The following ACSF3 variants were observed in gnomAD, a reference collection of about 807,000 sequenced individuals.
The protein encoded by ACSF3 is malonate--CoA ligase ACSF3, mitochondrial.
In ACSF3, 78 loss-of-function variants were observed where a neutral mutation model predicts 53.2. That is an observed-to-expected ratio of 1.47 (90% CI 1.22 to 1.77). The LOEUF is 1.77. Among genes scored for constraint, ACSF3 ranks in the 40% most tolerant of loss-of-function variants. The pLI, the probability that ACSF3 is intolerant of heterozygous loss-of-function variation, is 0.00. For missense variants in ACSF3, 937 were observed against 771.1 expected, an observed-to-expected ratio of 1.22 and a Z score of -2.55; for synonymous variants, 414 against 333.1, an observed-to-expected ratio of 1.24 and a Z score of -2.65.
intron 4 of ACSF3, among the ~76,000 whole-genome samples, chr16:89,105,201 G>A (rs1393553527): frequency 6.6e-6 from 1 of 152,198 alleles, no homozygotes; most frequent in Non-Finnish European, 1.5e-5. Context: ...CCTGACCCCA[G>A]CTGCGACACA....
chr16:89,144,678 C>T lies in ACSF3; in HGVS notation c.1367-589C>T, dbSNP rs937142826. Among the ~76,000 whole-genome samples the T allele has an allele frequency of 3.3e-5, 5 of 152,332 alleles. No individual in the cohort carries two copies. In the East Asian group the frequency reaches 9.6e-4, roughly 29 times the overall value. Reference sequence around the variant, plus strand: ...CAGAGCAGCCTGCCTGCATGAGGGGCGGCCCCTCTATGCTGCAGTCCCAGG... The same window carrying T: ...CAGAGCAGCCTGCCTGCATGAGGGGTGGCCCCTCTATGCTGCAGTCCCAGG... On this transcript the variant is annotated intron_variant, in intron 8 of 10. Coordinates refer to ENST00000614302, the MANE Select transcript of ACSF3 (RefSeq NM_001243279.3).
intron 8 of ACSF3, among the ~76,000 whole-genome samples, chr16:89,137,490 G>A (rs1335638101): frequency 1.5e-5 from 2 of 129,754 alleles, no homozygotes; most frequent in Admixed American, 7.3e-5. Flanking sequence ...GAAAGATTGA[G>A]GGGAAGAGCC....
rs775060040 is a variant in ACSF3, at chr16:89,100,687, G to A, written c.6G>A (p.Leu2=). Residue 2 remains leucine (L), a synonymous_variant, in exon 3 of 11, where the codon CTG becomes CTA. Coordinates refer to ENST00000614302, the MANE Select transcript of ACSF3 (RefSeq NM_001243279.3). The stretch of plus-strand genomic sequence containing the variant: ...CTCGGCCGCCTGTCAGTGCAATGCT[G>A]CCCCATGTGGTGCTCACCTTCCGGC... M[L]PHVVLTFRRL... 34 of 1,515,632 alleles carry A rather than the reference G, an allele frequency of 2.2e-5. No individual in the cohort carries two copies. Among genetic ancestry groups the A allele is most frequent in the Non-Finnish European group, 1.1e-5 (12 of 1,138,370 alleles). The allele number at this position is 1,515,632 out of a possible 1,614,324, so 93.9% of individuals were successfully genotyped here. A position where few individuals can be genotyped will look rare whatever the true frequency, so the allele number is the denominator to read the frequency against.
intron 4 of ACSF3, among the ~76,000 whole-genome samples, chr16:89,107,321 C>G (rs147318344): frequency 4.6e-5 from 7 of 152,174 alleles, no homozygotes; most frequent in African/African-American, 1.7e-4. Flanking sequence ...TTCACCTCCG[C>G]GCCTGCTCCC....
At chr16:89,129,365 CTTA>C (rs1260699187) in intron 7 of ACSF3, among the ~76,000 whole-genome samples, 1 of 151,968 alleles carries the variant, frequency 6.6e-6, no homozygotes, top group African/African-American at 2.4e-5. Flanking sequence ...TGAATTGACT[CTTA>C]TTAACATTTA....
Position 89,102,869 on chromosome 16 carries a change from G to C in ACSF3, c.822+110G>C, listed in dbSNP as rs1033318552. On this transcript the variant is annotated intron_variant, in intron 4 of 10. Coordinates refer to ENST00000614302, the MANE Select transcript of ACSF3 (RefSeq NM_001243279.3). Reference sequence around the variant, plus strand: ...AGCCTAAGCGCCTTTCGCTGGTTGGGGTCAGGGCTCTCGGCCGCGCCCTCA... The same window carrying C: ...AGCCTAAGCGCCTTTCGCTGGTTGGCGTCAGGGCTCTCGGCCGCGCCCTCA... The C allele has an allele frequency of 2.0e-6, 3 of 1,494,870 alleles. No homozygotes were observed. In the African/African-American group the frequency reaches 4.1e-5, roughly 21 times the overall value. The allele number at this position is 1,494,870 out of a possible 1,614,324, so 92.6% of individuals were successfully genotyped here.
chr16:89,144,515 C>T (rs1243670371), intron 8 of ACSF3, among the ~76,000 whole-genome samples: 1 of 152,196 alleles, frequency 6.6e-6, no homozygotes, highest in East Asian at 1.9e-4. Context: ...AGGGGCTGGG[C>T]ATTCACTGCT....
At chr16:89,118,108 C>CT (rs1905621964) in intron 6 of ACSF3, among the ~76,000 whole-genome samples, 2 of 149,778 alleles carry the variant, frequency 1.3e-5, no homozygotes, top group African/African-American at 4.9e-5. Context: ...AAGGCAGAGC[C>CT]CACGGCAGAT....
intron 10 of ACSF3, chr16:89,150,180 C>T (rs1913831138): frequency 6.6e-6 from 1 of 152,284 alleles, no homozygotes; most frequent in Non-Finnish European, 1.5e-5. Flanking sequence ...TGGACGCACC[C>T]TCCTGCCTCC....
chr16:89,116,418 G>A (rs1205401618), intron 6 of ACSF3, among the ~76,000 whole-genome samples: 1 of 152,206 alleles, frequency 6.6e-6, no homozygotes, highest in African/African-American at 2.4e-5. Context: ...GCTGGGGCCT[G>A]CAAGGTGAGT....
chr16:89,153,753 T>C (rs918875980), intron 10 of ACSF3: 1 of 377,868 alleles, frequency 2.6e-6, no homozygotes, highest in Admixed American at 3.9e-5. Context: ...GTGCGGGGAC[T>C]TGGAAGGCCT....
intron 10 of ACSF3, chr16:89,153,548 C>T (rs541865927): frequency 5.5e-4 from 89 of 162,934 alleles, no homozygotes; most frequent in African/African-American, 1.7e-3. Context: ...CCGTCCCTGC[C>T]GTGCAGGGCT....
intron 10 of ACSF3, chr16:89,151,441 C>T (rs545654239): frequency 6.3e-6 from 2 of 319,674 alleles, no homozygotes; most frequent in Admixed American, 4.5e-5. Flanking sequence ...GACAAGAAAA[C>T]GAGAGGACAG....
chr16:89,122,694 C>A (rs964897431), intron 7 of ACSF3: 1 of 156,912 alleles, frequency 6.4e-6, no homozygotes, highest in African/African-American at 2.4e-5. Flanking sequence ...GTGCAGCCCT[C>A]TCCAGGTGTC....
chr16:89,098,883 T>C (rs1597877955), intron 2 of ACSF3, 120 bp downstream of exon 2: 2 of 421,666 alleles, frequency 4.7e-6, no homozygotes, highest in East Asian at 1.4e-4. Flanking sequence ...CTAATATGTG[T>C]GTATTAGACG....
At chr16:89,137,285 G>GGA (rs1161991271) in intron 8 of ACSF3, among the ~76,000 whole-genome samples, 1 of 150,784 alleles carries the variant, frequency 6.6e-6, no homozygotes, top group African/African-American at 2.4e-5. Flanking sequence ...AGAGCCCCAG[G>GGA]TCTCGGGAGG....
chr16:89,105,013 C>T (rs1002544394), intron 4 of ACSF3, among the ~76,000 whole-genome samples: 3 of 67,396 alleles, frequency 4.5e-5, no homozygotes, highest in Admixed American at 2.0e-4. Flanking sequence ...CTCTTCAGGA[C>T]GCCTGTAGCC....
At chr16:89,145,869 C>T (rs1912837953) in intron 9 of ACSF3, 69 bp from the exon 10 acceptor site, 5 of 1,344,836 alleles carry the variant, frequency 3.7e-6, no homozygotes, top group African/African-American at 1.4e-5. Context: ...CCTGTGTGTC[C>T]AGGCACTCTT....
chr16:89,136,638 G>A lies in ACSF3; in HGVS notation c.1366+3376G>A, dbSNP rs1056789054. On this transcript the variant is annotated intron_variant, in intron 8 of 10. Coordinates refer to ENST00000614302, the MANE Select transcript of ACSF3 (RefSeq NM_001243279.3). The stretch of plus-strand genomic sequence containing the variant: ...GACACAGCTGAGGATGGCCGAGGCC[G>A]GCCTGCAGCTCCCCAACGGCCTCCT... 5.0e-5 allele frequency: 64 copies of A among 1,287,150 alleles called. No homozygotes were observed. The Admixed American group carries it at 5.5e-4, about 11-fold the overall frequency. The allele number at this position is 1,287,150 out of a possible 1,614,324, so 79.7% of individuals were successfully genotyped here. A position where few individuals can be genotyped will look rare whatever the true frequency, so the allele number is the denominator to read the frequency against.
Sources: gnomAD v4.1 joint callset for allele counts (sites outside exome capture counted in the v4.1 genomes callset) on GRCh38, gnomAD v4.1.1 for gene constraint, MANE v1.5 for transcripts, NCBI Gene and HGNC (gene_info 2026-07-23, HGNC 2026-07-21) for gene names.